Variants in NLRP5 observed in about 807,000 individuals in gnomAD.
NLRP5 encodes NLR family pyrin domain containing 5, also known as NACHT, LRR and PYD domains-containing protein 5.
Under a neutral mutation model 113.1 loss-of-function variants are expected in NLRP5, and 93 were observed. The ratio of observed to expected loss-of-function variants is 0.82; its 90% confidence interval spans 0.70 to 0.98. The LOEUF (loss-of-function observed/expected upper bound fraction) is 0.98, where lower values mean the gene tolerates loss of function less well. NLRP5 is among the 50% of genes least tolerant of loss of function. The probability of loss-of-function intolerance (pLI) is 0.00; values close to 1 mark genes in which losing one functional copy is unlikely to be tolerated. For missense variants in NLRP5, 1,808 were observed against 1,514.3 expected (o/e 1.19, Z -3.22); for synonymous variants, 751 against 600.7 (o/e 1.25, Z -3.66).
chr19:56,004,964 C>T (rs1981797576), intron 2 of NLRP5, among the ~76,000 whole-genome samples: 1 of 151,552 alleles, frequency 6.6e-6, no homozygotes, highest in African/African-American at 2.4e-5. Flanking sequence ...CGTCATGGCA[C>T]ATGCCTGTAA....
chr19:56,013,037 A>G (rs939399209), intron 3 of NLRP5, among the ~76,000 whole-genome samples: 2 of 152,108 alleles, frequency 1.3e-5, no homozygotes, highest in Non-Finnish European at 2.9e-5. Flanking sequence ...AGAAAACCAC[A>G]TACCTATTAG....
intron 13 of NLRP5, among the ~76,000 whole-genome samples, chr19:56,057,170 G>T (rs1984187670): frequency 6.6e-6 from 1 of 152,156 alleles, no homozygotes; most frequent in Admixed American, 6.5e-5. Context: ...AATCTAGAAT[G>T]ATTAGGACAT....
In NLRP5 at chr19:56,043,542, C is replaced by CCTT. The variant is rs1983599289; in HGVS notation, c.2957+2450_2957+2451insCTT. Among the ~76,000 whole-genome samples the CCTT allele has an allele frequency of 6.5e-5, 6 of 92,962 alleles. No homozygotes were observed. In the East Asian group the frequency reaches 1.4e-3, roughly 22 times the overall value. 61.0% of individuals were successfully genotyped at this position (92,962 alleles called of 152,430 possible). On this transcript the variant is annotated intron_variant, in intron 11 of 14. Coordinates refer to ENST00000390649, the MANE Select transcript of NLRP5 (RefSeq NM_153447.4). ...TGGATTGTCTGTTTACTCTGCTATT[C>CCTT]TTTTTTTTTTTTTTTTTTTTTTTTT...
rs747093041 is a variant in NLRP5 at position 56,027,997 on chromosome 19, G to A, written c.1764G>A (p.Gln588=). The change falls in exon 7 of 15, where the codon CAG becomes CAA. Residue 588 remains glutamine, a synonymous_variant. Coordinates refer to ENST00000390649, the MANE Select transcript of NLRP5 (RefSeq NM_153447.4). Reference sequence around the variant, plus strand: ...ACACCTTCTTCCACCTCAGTCTCCAGGACTTCTGTGCCGCCTTGTACTACG... The same window carrying A: ...ACACCTTCTTCCACCTCAGTCTCCAAGACTTCTGTGCCGCCTTGTACTACG... 1 of 1,613,996 alleles carries A rather than the reference G, an allele frequency of 6.2e-7. No homozygotes were observed. Among genetic ancestry groups the A allele is most frequent in the South Asian group, 1.1e-5 (1 of 91,084 alleles).
At chr19:56,023,104 G>A (rs776390628) in intron 6 of NLRP5, among the ~76,000 whole-genome samples, 2 of 152,160 alleles carry the variant, frequency 1.3e-5, no homozygotes, top group Non-Finnish European at 2.9e-5. Context: ...ACACAAGTCT[G>A]GAATTTTAGG....
chr19:56,001,556 C>T (rs896145997), intron 1 of NLRP5, among the ~76,000 whole-genome samples: 4 of 151,992 alleles, frequency 2.6e-5, no homozygotes, highest in African/African-American at 7.3e-5. Flanking sequence ...GAAGGAAAGA[C>T]GGGGGCTAAA....
intron 10 of NLRP5, 140 bp downstream of exon 10, chr19:56,038,335 A>AC: frequency 1.2e-6 from 1 of 843,490 alleles, no homozygotes; most frequent in Admixed American, 2.2e-5. Context: ...ACCTCCCAAG[A>AC]CCTGCCCAGT....
At chr19:56,038,335 A>T in intron 10 of NLRP5, 140 bp downstream of exon 10, 1 of 843,490 alleles carries the variant, frequency 1.2e-6, no homozygotes, top group Non-Finnish European at 1.9e-6. Flanking sequence ...ACCTCCCAAG[A>T]CCTGCCCAGT....
intron 13 of NLRP5, among the ~76,000 whole-genome samples, chr19:56,056,706 C>T (rs1568505141): frequency 1.3e-5 from 2 of 152,198 alleles, no homozygotes; most frequent in South Asian, 2.1e-4. Flanking sequence ...CTCAGCCTCC[C>T]TACTGGATGT....
At chr19:56,054,216 G>A (rs1241545568) in intron 13 of NLRP5, among the ~76,000 whole-genome samples, 1 of 152,228 alleles carries the variant, frequency 6.6e-6, no homozygotes, top group South Asian at 2.1e-4. Context: ...CCAGCCAGGG[G>A]CTTAAGACAG....
Position 56,027,732 on chromosome 19 carries a change from G to A in NLRP5, c.1499G>A (p.Gly500Asp). 1 of 1,613,822 alleles carries A rather than the reference G, an allele frequency of 6.2e-7. No homozygotes were observed. Among genetic ancestry groups the A allele is most frequent in the East Asian group, 2.2e-5 (1 of 44,868 alleles). ...GCCCCCTTCAACCAAACGCTCACAGGCCTGCACGCCGCTTTTGTGTTTCAT... is the reference window on the plus strand; with the variant it reads ...GCCCCCTTCAACCAAACGCTCACAGACCTGCACGCCGCTTTTGTGTTTCAT... The change falls in exon 7 of 15, where the codon GGC (glycine) becomes GAC (aspartate). Residue 500 changes from glycine to aspartate, a missense_variant. By Grantham distance (94) the Gly-to-Asp change is moderately conservative. Coordinates refer to ENST00000390649, the MANE Select transcript of NLRP5 (RefSeq NM_153447.4).
At chr19:56,020,229 C>T (rs912296906) in intron 5 of NLRP5, 146 bp from the exon 6 acceptor site, 9 of 841,328 alleles carry the variant, frequency 1.1e-5, no homozygotes, top group African/African-American at 1.7e-5. Flanking sequence ...TGTACCAGTG[C>T]ACTCTGTCTT....
upstream of NLRP5, among the ~76,000 whole-genome samples, chr19:55,998,153 G>GA (rs1198840091): frequency 2.0e-5 from 3 of 152,066 alleles, no homozygotes; most frequent in Admixed American, 2.0e-4. Flanking sequence ...GATTGGATTA[G>GA]ATTTATCTTA....
At chr19:56,000,019 C>CACT (rs1254491046) in intron 1 of NLRP5, among the ~76,000 whole-genome samples, 4 of 151,398 alleles carry the variant, frequency 2.6e-5, no homozygotes, top group Admixed American at 1.3e-4. Context: ...GCCACCTCCC[C>CACT]ACTCTTTTCA....
intron 6 of NLRP5, among the ~76,000 whole-genome samples, chr19:56,026,527 C>CAAAAAAA (rs375845864): frequency 9.9e-5 from 4 of 40,350 alleles, no homozygotes; most frequent in Non-Finnish European, 1.3e-4. Flanking sequence ...GACTCCATCT[C>CAAAAAAA]AAAAAAAAAA....
Position 56,038,125 on chromosome 19 carries a change from G to T in NLRP5, c.2716G>T (p.Val906Leu). The T allele has an allele frequency of 6.2e-7, 1 of 1,614,010 alleles. No homozygotes were observed. The highest frequency in any genetic ancestry group is 8.5e-7 in the Non-Finnish European group (1 of 1,179,878). The change falls in exon 10 of 15, where the codon GTG (valine) becomes TTG (leucine). Residue 906 changes from valine (V) to leucine (L), a missense_variant. Coordinates refer to ENST00000390649, the MANE Select transcript of NLRP5 (RefSeq NM_153447.4). ...ATCTCTGAGCCTGGCAGGAAACAAG[G>T]TGACAGACCAGGGAGTAATGCCTCT...
rs1011531337 is a variant in NLRP5 at position 56,047,480 on chromosome 19, T to C, written c.2958-2938T>C. 2.2e-5 allele frequency among the ~76,000 whole-genome samples: 3 copies of C among 135,584 alleles called. No homozygotes were observed. In the East Asian group the frequency reaches 6.3e-4, roughly 28 times the overall value. The allele number at this position is 135,584 out of a possible 152,430, so 88.9% of individuals were successfully genotyped here. A position where few individuals can be genotyped will look rare whatever the true frequency, so the allele number is the denominator to read the frequency against. On this transcript the variant is annotated intron_variant, in intron 11 of 14. Coordinates refer to ENST00000390649, the MANE Select transcript of NLRP5 (RefSeq NM_153447.4). Reference sequence around the variant, plus strand: ...ATTTTTTAATTTCTGTATTCATTTTTGACCCAGTGCTCATTCAGGAGCAGG... The same window carrying C: ...ATTTTTTAATTTCTGTATTCATTTTCGACCCAGTGCTCATTCAGGAGCAGG...
intron 14 of NLRP5, among the ~76,000 whole-genome samples, chr19:56,060,358 T>C (rs545898890): frequency 6.6e-6 from 1 of 152,344 alleles, no homozygotes; most frequent in Non-Finnish European, 1.5e-5. Flanking sequence ...TCCATCCCTA[T>C]ATGAGAAGTC....
intron 8 of NLRP5, among the ~76,000 whole-genome samples, chr19:56,033,250 TAAACAAA>T (rs1568494156): frequency 6.6e-6 from 1 of 151,586 alleles, no homozygotes; most frequent in Non-Finnish European, 1.5e-5. Flanking sequence ...GACTCCATCT[TAAACAAA>T]AAACAAAAAA....
Sources: allele counts gnomAD v4.1 joint callset (sites outside exome capture counted in the v4.1 genomes callset), GRCh38; gene constraint gnomAD v4.1.1; transcripts MANE v1.5; gene names NCBI Gene and HGNC (gene_info 2026-07-23, HGNC 2026-07-21).